The following PCDHA8 variants were observed in gnomAD, a reference collection of about 807,000 sequenced individuals.
PCDHA8 encodes protocadherin alpha-8.
Under a neutral mutation model 61.8 loss-of-function variants are expected in PCDHA8, and 53 were observed. The ratio of observed to expected loss-of-function variants is 0.86; its 90% CI spans 0.69 to 1.08. PCDHA8 has a LOEUF of 1.08. Among genes scored for constraint, PCDHA8 ranks in the 50% least tolerant of loss-of-function variants. The probability of loss-of-function intolerance (pLI) is 0.00; values close to 1 mark genes in which losing one functional copy is unlikely to be tolerated. For missense variants in PCDHA8, 1,293 were observed against 1,245.0 expected, an observed-to-expected ratio of 1.04 and a Z score of -0.58; for synonymous variants, 618 against 556.6, an observed-to-expected ratio of 1.11 and a Z score of -1.55.
chr5:140,994,460 T>C (rs1260062613), intron 3 of PCDHA8, among the ~76,000 whole-genome samples: 1 of 152,124 alleles, frequency 6.6e-6, no homozygotes, highest in African/African-American at 2.4e-5. Context: ...CCCAGCACTT[T>C]GGGAGGCTGA....
chr5:140,877,917 T>G (rs2057395668), intron 1 of PCDHA8: 2 of 1,427,712 alleles, frequency 1.4e-6, no homozygotes, highest in Admixed American at 2.9e-5. Context: ...TTCTCTCATT[T>G]TTCTTTATGA....
intron 1 of PCDHA8, among the ~76,000 whole-genome samples, chr5:140,955,521 TC>T (rs2095199105): frequency 6.6e-6 from 1 of 152,142 alleles, no homozygotes; most frequent in Non-Finnish European, 1.5e-5. Context: ...TGCTTTCCCT[TC>T]CACCATGATT....
At chr5:140,864,034 T>C (rs2048289814) in intron 1 of PCDHA8, 1 of 153,038 alleles carries the variant, frequency 6.5e-6, no homozygotes, top group African/African-American at 2.4e-5. Flanking sequence ...CTAGCCATCT[T>C]AATCACTTTT....
At chr5:140,927,716 G>T (rs782756674) in intron 1 of PCDHA8, 1 of 1,614,190 alleles carries the variant, frequency 6.2e-7, no homozygotes, top group South Asian at 1.1e-5. Context: ...CTAAGCAACA[G>T]CACGCAAGCA....
chr5:140,857,651 AGC>A (rs2044749625), intron 1 of PCDHA8: 2 of 1,596,558 alleles, frequency 1.3e-6, no homozygotes, highest in Middle Eastern at 2.0e-4. Flanking sequence ...GTTCCAGGTG[AGC>A]GCGCGCGATG....
In PCDHA8 at chr5:140,871,159, G is replaced by T. The variant is rs781816033; in HGVS notation, c.2394+27444G>T. Reference sequence around the variant, plus strand: ...CTCTTCCCGGACTTTGGCGGGCGCCGCGAGCCCAGAGGCTGCGCTGGTGGA... The same window carrying T: ...CTCTTCCCGGACTTTGGCGGGCGCCTCGAGCCCAGAGGCTGCGCTGGTGGA... On this transcript the variant is annotated intron_variant, in intron 1 of 3. Coordinates refer to ENST00000531613, the MANE Select transcript of PCDHA8 (RefSeq NM_018911.3). The T allele has an allele frequency of 1.6e-5, 26 of 1,613,450 alleles. No individual in the cohort carries two copies. The South Asian group carries it at 2.9e-4, about 18-fold the overall frequency.
At chr5:140,926,974 G>C (rs145276602) in intron 1 of PCDHA8, 2 of 1,610,140 alleles carry the variant, frequency 1.2e-6, no homozygotes, top group East Asian at 2.2e-5. Context: ...CTCAGTGCCG[G>C]AGGAGACGGA....
At chr5:141,000,095 T>G (rs1299354306) in intron 3 of PCDHA8, among the ~76,000 whole-genome samples, 1 of 152,044 alleles carries the variant, frequency 6.6e-6, no homozygotes, top group Non-Finnish European at 1.5e-5. Flanking sequence ...TGAATGGAGC[T>G]CAACTCCGTC....
At chr5:140,856,401 T>C (rs782164641) in intron 1 of PCDHA8, 20 of 1,598,386 alleles carry the variant, frequency 1.3e-5, no homozygotes, top group Non-Finnish European at 4.3e-6. Context: ...GTTTTCCATG[T>C]GGACGTGGAA....
intron 1 of PCDHA8, among the ~76,000 whole-genome samples, chr5:140,977,055 A>T (rs1220462981): frequency 1.3e-5 from 2 of 152,234 alleles, no homozygotes; most frequent in African/African-American, 4.8e-5. Flanking sequence ...CTGATGGACT[A>T]GTATAGAAAA....
intron 1 of PCDHA8, chr5:140,967,061 C>T: frequency 6.2e-7 from 1 of 1,612,886 alleles, no homozygotes; most frequent in Non-Finnish European, 8.5e-7. Context: ...GAGTGGAGCG[C>T]TCTTCGTCAA....
At chr5:141,004,434 G>T (rs1383958111) in intron 3 of PCDHA8, among the ~76,000 whole-genome samples, 2 of 152,186 alleles carry the variant, frequency 1.3e-5, no homozygotes, top group Non-Finnish European at 2.9e-5. Flanking sequence ...TGGAGTTTAG[G>T]CTGAGTCATA....
At chr5:140,999,666 G>A (rs185222092) in intron 3 of PCDHA8, among the ~76,000 whole-genome samples, 194 of 152,216 alleles carry the variant, frequency 1.3e-3, no homozygotes, top group African/African-American at 4.4e-3. Flanking sequence ...GCTGGGTTGC[G>A]GGGGGCTCAC....
intron 1 of PCDHA8, among the ~76,000 whole-genome samples, chr5:140,898,264 C>T (rs1360270871): frequency 6.6e-6 from 1 of 152,166 alleles, no homozygotes; most frequent in Non-Finnish European, 1.5e-5. Context: ...AGTCCTTGCC[C>T]ATGCCTAAGT....
intron 1 of PCDHA8, among the ~76,000 whole-genome samples, chr5:140,936,603 C>T (rs552102837): frequency 2.0e-5 from 3 of 152,324 alleles, no homozygotes; most frequent in Admixed American, 6.5e-5. Context: ...CTACTTTCCT[C>T]GCTGCTACTG....
intron 1 of PCDHA8, among the ~76,000 whole-genome samples, chr5:140,923,528 C>CA (rs1240707958): frequency 2.0e-5 from 3 of 151,622 alleles, no homozygotes; most frequent in Non-Finnish European, 4.4e-5. Context: ...GATTCTGTCC[C>CA]AAAAAAAGGA....
intron 1 of PCDHA8, among the ~76,000 whole-genome samples, chr5:140,946,631 T>TATACATACAC (rs57893927): frequency 7.6e-6 from 1 of 131,846 alleles, no homozygotes; most frequent in Non-Finnish European, 1.5e-5. Context: ...TATATATATA[T>TATACATACAC]ACAATGGAAT....
intron 1 of PCDHA8, among the ~76,000 whole-genome samples, chr5:140,941,445 A>C (rs1472770794): frequency 8.0e-5 from 12 of 149,892 alleles, no homozygotes; most frequent in Middle Eastern, 6.8e-3. Context: ...CCTCGGGAGT[A>C]GCTGGGATTA....
intron 1 of PCDHA8, chr5:140,848,382 A>G (rs1781481675): frequency 8.4e-7 from 1 of 1,188,868 alleles, no homozygotes; most frequent in Non-Finnish European, 1.2e-6. Context: ...ATTCTTTTTC[A>G]CTCTCTCTGT....
Sources: gnomAD v4.1 joint callset for allele counts (sites outside exome capture counted in the v4.1 genomes callset) on GRCh38, gnomAD v4.1.1 for gene constraint, MANE v1.5 for transcripts, NCBI Gene and HGNC (gene_info 2026-07-23, HGNC 2026-07-21) for gene names.